RACK1: variants seen among roughly 807,000 people sequenced by gnomAD.
RACK1 encodes the protein small ribosomal subunit protein RACK1.
RACK1 carries 3 observed loss-of-function variants against 42.2 expected under a neutral mutation model. That is an observed-to-expected ratio of 0.07 (90% CI 0.03 to 0.18). The LOEUF is 0.18. RACK1 is among the 10% of genes least tolerant of loss of function. The pLI is 1.00. For missense variants in RACK1, 146 were observed against 403.2 expected (o/e 0.36, Z 5.46); for synonymous variants, 181 against 154.8 (o/e 1.17, Z -1.25).
chr5:181,242,318 G>C lies in RACK1; in HGVS notation c.137C>G (p.Thr46Ser). Reference sequence around the variant, plus strand: ...AATTCCATAGTTGGTCTCATCCCTGGTCAGTTTCCACATGATGATGGTCTT... The same window carrying C: ...AATTCCATAGTTGGTCTCATCCCTGCTCAGTTTCCACATGATGATGGTCTT... ...RDKTIIMWKLTRDETNYGIPQ... is the reference protein window; with the variant it reads ...RDKTIIMWKLSRDETNYGIPQ... The change falls in exon 2 of 8, where the codon ACC becomes AGC. Residue 46 changes from threonine (T) to serine (S), a missense_variant. Transcript: ENST00000512805. 3.1e-6 allele frequency: 5 copies of C among 1,613,628 alleles called. No individual in the cohort carries two copies. Among genetic ancestry groups the C allele is most frequent in the Non-Finnish European group, 4.2e-6 (5 of 1,179,674 alleles).
chr5:181,239,003 T>G, intron 5 of RACK1, 64 bp downstream of exon 5: 1 of 1,039,474 alleles, frequency 9.6e-7, no homozygotes. Flanking sequence ...TTAGAGACGC[T>G]GGCTAAGTGC....
chr5:181,243,782 G>T lies in RACK1; in HGVS notation c.19C>A (p.Leu7Ile). The T allele has an allele frequency of 6.2e-7, 1 of 1,607,036 alleles. No individual in the cohort carries two copies. Among genetic ancestry groups the T allele is most frequent in the Non-Finnish European group, 8.5e-7 (1 of 1,176,832 alleles). ...TTGTGGCCCTTGAGGGTGCCACGAA[G>T]GGTCATCTGCTCAGTCATGGCGGCG... MTEQMTLRGTLKGHNGW... is the reference protein window; with the variant it reads MTEQMTIRGTLKGHNGW... The change falls in exon 1 of 8, where the codon CTT becomes ATT. Residue 7 changes from leucine to isoleucine, a missense_variant. Physicochemically the swap from Leu to Ile is conservative, Grantham distance 5 (BLOSUM62 2). Transcript: ENST00000512805.
At chr5:181,238,297 C>T (rs1442263757) in intron 5 of RACK1, 58 bp from the exon 6 acceptor site, 3 of 1,558,686 alleles carry the variant, frequency 1.9e-6, no homozygotes, top group Middle Eastern at 1.7e-4. Context: ...TTAATTCTGC[C>T]CATCTCAAGA....
At chr5:181,239,422 G>T in intron 4 of RACK1, 65 bp downstream of exon 4, 10 of 1,131,268 alleles carry the variant, frequency 8.8e-6, no homozygotes, top group Non-Finnish European at 1.4e-5. Flanking sequence ...CACAGGACTT[G>T]GAGTGTATGA....
At chr5:181,243,059 G>A in intron 1 of RACK1, 2 of 361,126 alleles carry the variant, frequency 5.5e-6, no homozygotes, top group Non-Finnish European at 1.1e-5. Context: ...CACTTCAGGC[G>A]CTACAGGATT....
intron 5 of RACK1, chr5:181,238,824 C>CA (rs796554795): frequency 3.8e-5 from 18 of 475,754 alleles, no homozygotes; most frequent in East Asian, 2.4e-4. Context: ...AACAAACAAA[C>CA]AAAAAAACAA....
rs777390691 is a variant in RACK1 at position 181,239,137 on chromosome 5, A to C, written c.566T>G (p.Ile189Ser). 1 of 1,613,944 alleles carries C rather than the reference A, an allele frequency of 6.2e-7. No homozygotes were observed. The highest frequency in any genetic ancestry group is 1.1e-5 in the South Asian group (1 of 91,064). The change falls in exon 5 of 8, where the codon ATT becomes AGT. Residue 189 changes from isoleucine to serine, a missense_variant. Coordinates refer to ENST00000512805, the MANE Select transcript of RACK1 (RefSeq NM_006098.5). ...CGTGTTCAGATAGCCTGTGTGGCCA[A>C]TGTGGTTGGTCTTCAGCTTGCAGTT... ...LANCKLKTNH[I>S]GHTGYLNTVT...
intron 5 of RACK1, 181 bp downstream of exon 5, chr5:181,238,886 T>A: frequency 1.5e-6 from 1 of 678,904 alleles, no homozygotes; most frequent in Non-Finnish European, 2.7e-6. Flanking sequence ...CCAGATAGTA[T>A]GCCTTAACTG....
chr5:181,240,553 A>T (rs1582296336), intron 3 of RACK1: 1 of 151,878 alleles, frequency 6.6e-6, no homozygotes, highest in Non-Finnish European at 1.5e-5. Flanking sequence ...CTTCTCAGAC[A>T]CCCAACCATC....
chr5:181,237,839 A>T, intron 6 of RACK1, 120 bp from the exon 7 acceptor site: 1 of 687,046 alleles, frequency 1.5e-6, no homozygotes, highest in Non-Finnish European at 2.6e-6. Context: ...CCATGTATCA[A>T]TGCCTACATG....
chr5:181,238,608 C>T (rs1759222941), intron 5 of RACK1: 1 of 342,042 alleles, frequency 2.9e-6, no homozygotes, highest in Non-Finnish European at 5.6e-6. Flanking sequence ...AGTTCAAGAC[C>T]AGCCTGGCCA....
chr5:181,243,000 G>C (rs1759409074), intron 1 of RACK1: 1 of 346,680 alleles, frequency 2.9e-6, no homozygotes, highest in Admixed American at 4.1e-5. Flanking sequence ...GGCCTCCTAT[G>C]CCTACCTCTG....
intron 2 of RACK1, chr5:181,241,845 C>T (rs778722333): frequency 1.3e-6 from 1 of 779,214 alleles, no homozygotes; most frequent in South Asian, 1.3e-5. Flanking sequence ...CATGTCCTCA[C>T]TCCCACTTGG....
intron 5 of RACK1, chr5:181,238,671 G>A (rs759044934): frequency 8.4e-6 from 3 of 358,028 alleles, no homozygotes; most frequent in Non-Finnish European, 1.6e-5. Flanking sequence ...GAGTGATGGC[G>A]GGTGCCTGTA....
intron 5 of RACK1, chr5:181,238,784 G>C: frequency 2.5e-6 from 1 of 401,864 alleles, no homozygotes; most frequent in Non-Finnish European, 4.7e-6. Context: ...TGGCAGCCGA[G>C]TGAGACTCCG....
chr5:181,237,543 A>G, intron 7 of RACK1, 66 bp downstream of exon 7: 1 of 865,336 alleles, frequency 1.2e-6, no homozygotes, highest in Non-Finnish European at 2.0e-6. Flanking sequence ...GACTAGATAT[A>G]CTAACAGAAT....
In RACK1 at chr5:181,242,597, G is replaced by A. The variant is rs541747930; in HGVS notation, c.110-252C>T. ...TCTTGAGATGGAGTCTCGCTCTGTC[G>A]CCCAGGCTGGAGTGCAGTGGCATGA... On this transcript the variant is annotated intron_variant, in intron 1 of 7. Transcript: ENST00000512805. 2.5e-4 allele frequency: 134 copies of A among 531,416 alleles called. 1 individual carries two copies. The East Asian group carries it at 4.4e-3, about 17-fold the overall frequency. The allele number at this position is 531,416 out of a possible 1,614,324, so 32.9% of individuals were successfully genotyped here.
chr5:181,242,030 G>A, intron 2 of RACK1, 144 bp downstream of exon 2: 1 of 816,108 alleles, frequency 1.2e-6, no homozygotes, highest in South Asian at 1.5e-5. Context: ...TAAAGTGAGG[G>A]AGGCCAAACA....
At chr5:181,243,259 C>T (rs767594542) in intron 1 of RACK1, 338 of 1,350,304 alleles carry the variant, frequency 2.5e-4, no homozygotes, top group Non-Finnish European at 3.2e-4. Flanking sequence ...GACACTTGAG[C>T]CACGAGGTCC....
Sources: allele counts gnomAD v4.1 joint callset, GRCh38; gene constraint gnomAD v4.1.1; transcripts MANE v1.5; gene names NCBI Gene and HGNC (gene_info 2026-07-23, HGNC 2026-07-21).